Variants in ELMO1 observed in about 807,000 individuals in gnomAD.
ELMO1 encodes engulfment and cell motility protein 1.
In ELMO1, 26 loss-of-function variants were observed where a neutral mutation model predicts 98.9. The observed-to-expected ratio is 0.26, with a 90% CI of 0.19 to 0.36. ELMO1 has a LOEUF of 0.36. Ranked by LOEUF, ELMO1 falls within the 10% of genes least tolerant of loss-of-function variation. ELMO1 has a pLI of 1.00. For synonymous variants in ELMO1, 346 were observed against 346.0 expected (o/e 1.00, Z 0.00); for missense variants, 627 against 935.2 (o/e 0.67, Z 4.30).
At chr7:37,383,860 G>A (rs1315577575) in intron 1 of ELMO1, among the ~76,000 whole-genome samples, 1 of 152,138 alleles carries the variant, frequency 6.6e-6, no homozygotes, top group Non-Finnish European at 1.5e-5. Context: ...CTGTTGCCCA[G>A]GCTGGAGTGC....
chr7:37,049,446 C>A (rs1374086095), intron 15 of ELMO1, among the ~76,000 whole-genome samples: 7 of 152,282 alleles, frequency 4.6e-5, no homozygotes, highest in African/African-American at 1.7e-4. Flanking sequence ...TGCATTTCAG[C>A]TTTTCCCTTC....
intron 16 of ELMO1, among the ~76,000 whole-genome samples, chr7:36,973,833 C>T (rs1027129760): frequency 2.0e-5 from 3 of 152,256 alleles, no homozygotes; most frequent in Non-Finnish European, 4.4e-5. Context: ...GGCCCGCACT[C>T]GGAGCAGCCG....
At chr7:36,953,829 T>C (rs766965173) in intron 16 of ELMO1, among the ~76,000 whole-genome samples, 42 of 149,578 alleles carry the variant, frequency 2.8e-4, no homozygotes, top group Non-Finnish European at 4.7e-4. Context: ...GTACAGTGTA[T>C]GGGTATGTTT....
intron 16 of ELMO1, among the ~76,000 whole-genome samples, chr7:36,915,909 A>G (rs1784655015): frequency 1.3e-5 from 2 of 152,190 alleles, no homozygotes; most frequent in African/African-American, 4.8e-5. Context: ...CACTGCCTAG[A>G]TAAGGTTCTG....
At chr7:37,242,882 T>C (rs1794827019) in intron 7 of ELMO1, among the ~76,000 whole-genome samples, 1 of 152,136 alleles carries the variant, frequency 6.6e-6, no homozygotes, top group African/African-American at 2.4e-5. Flanking sequence ...CCTGGATGAG[T>C]AGGTGTTCTC....
chr7:37,016,448 CA>C (rs1248616783), intron 15 of ELMO1, among the ~76,000 whole-genome samples: 1 of 152,162 alleles, frequency 6.6e-6, no homozygotes, highest in African/African-American at 2.4e-5. Flanking sequence ...CTGAAACCCA[CA>C]GTCAGCTGAC....
chr7:37,105,981 A>G (rs1784924137), intron 14 of ELMO1, among the ~76,000 whole-genome samples: 1 of 152,228 alleles, frequency 6.6e-6, no homozygotes, highest in Non-Finnish European at 1.5e-5. Flanking sequence ...TGAATGTACT[A>G]AATGCCACTG....
chr7:36,915,727 G>C (rs1037321388), intron 16 of ELMO1, among the ~76,000 whole-genome samples: 17 of 152,348 alleles, frequency 1.1e-4, no homozygotes, highest in African/African-American at 4.1e-4. Flanking sequence ...GATGCTAACA[G>C]CTGAGTCACA....
At chr7:36,979,629 A>C (rs886720788) in intron 16 of ELMO1, among the ~76,000 whole-genome samples, 3 of 152,162 alleles carry the variant, frequency 2.0e-5, no homozygotes, top group Admixed American at 2.0e-4. Flanking sequence ...AACCTTTAGC[A>C]TTAAGTAGTC....
intron 16 of ELMO1, among the ~76,000 whole-genome samples, chr7:36,932,295 A>G (rs1281602586): frequency 1.3e-5 from 2 of 152,208 alleles, no homozygotes; most frequent in Admixed American, 1.3e-4. Flanking sequence ...GAGACAAATG[A>G]AAATCAATTC....
At chr7:37,136,595 C>T (rs1169722143) in intron 13 of ELMO1, among the ~76,000 whole-genome samples, 1 of 152,098 alleles carries the variant, frequency 6.6e-6, no homozygotes, top group Non-Finnish European at 1.5e-5. Flanking sequence ...AAACAATTAT[C>T]GGCCAAGAAT....
intron 16 of ELMO1, among the ~76,000 whole-genome samples, chr7:36,992,581 G>A (rs772307716): frequency 2.0e-5 from 3 of 152,198 alleles, no homozygotes; most frequent in Admixed American, 6.5e-5. Flanking sequence ...GACAAAAAGC[G>A]ACTGGGCCAA....
chr7:37,281,004 T>G (rs901744894), intron 4 of ELMO1, among the ~76,000 whole-genome samples: 1 of 109,856 alleles, frequency 9.1e-6, no homozygotes. Context: ...TATAAAAATA[T>G]ATATATAAAT....
rs144166382 is a variant in ELMO1 at position 37,315,942 on chromosome 7, T to C, written c.97A>G (p.Ile33Val). Residue 33 changes from isoleucine to valine, a missense_variant, in exon 3 of 22, where the codon ATA becomes GTA. Around this residue, in one of 3 missense-constraint regions of ELMO1, gnomAD observed 123 missense variants for 171.2 expected, o/e 0.72. Coordinates refer to ENST00000310758, the MANE Select transcript of ELMO1 (RefSeq NM_014800.11). ...TACCCATCACAGACTTCCTTTATTA[T>C]TGCAGACAGTGGTTTTTTCTGCAAA... ...EIDQKKPLSAIIKEVCDGWSL... is the reference protein window; with the variant it reads ...EIDQKKPLSAVIKEVCDGWSL... 9.4e-6 allele frequency: 15 copies of C among 1,603,624 alleles called. No individual in the cohort carries two copies. In the African/African-American group the frequency reaches 1.2e-4, roughly 13 times the overall value.
intron 14 of ELMO1, among the ~76,000 whole-genome samples, chr7:37,110,580 T>A (rs1168818466): frequency 6.6e-6 from 1 of 152,104 alleles, no homozygotes; most frequent in Non-Finnish European, 1.5e-5. Flanking sequence ...AAGTATAATT[T>A]AAATATATAT....
chr7:36,905,615 T>A (rs934875349), intron 16 of ELMO1, among the ~76,000 whole-genome samples: 1 of 152,238 alleles, frequency 6.6e-6, no homozygotes, highest in Non-Finnish European at 1.5e-5. Context: ...ACAGATCTGA[T>A]ACTCAATCAC....
chr7:37,175,879 A>G (rs1175671761), intron 13 of ELMO1, among the ~76,000 whole-genome samples: 1 of 151,958 alleles, frequency 6.6e-6, no homozygotes, highest in Admixed American at 6.6e-5. Context: ...AAACCAACAA[A>G]CGACTCATGA....
intron 4 of ELMO1, among the ~76,000 whole-genome samples, chr7:37,304,858 A>G (rs988572782): frequency 1.3e-5 from 2 of 152,156 alleles, no homozygotes; most frequent in Non-Finnish European, 2.9e-5. Flanking sequence ...TTGTTTTCAC[A>G]TACGTACAGA....
chr7:37,255,519 T>A (rs1795590885), intron 6 of ELMO1, among the ~76,000 whole-genome samples: 1 of 152,204 alleles, frequency 6.6e-6, no homozygotes, highest in African/African-American at 2.4e-5. Flanking sequence ...GCAGGCAGTT[T>A]CATTGTCGAA....
Sources: gnomAD v4.1 joint callset for allele counts (sites outside exome capture counted in the v4.1 genomes callset) on GRCh38, gnomAD v4.1.1 for gene constraint, gnomAD v4.1.1 regional missense constraint, MANE v1.5 for transcripts, NCBI Gene and HGNC (gene_info 2026-07-23, HGNC 2026-07-21) for gene names.